PCDHB8: variants seen among roughly 807,000 people sequenced by gnomAD.
The protein encoded by PCDHB8 is protocadherin beta 8, also known as protocadherin beta-8.
For missense variants in PCDHB8, 836 were observed against 1,004.0 expected, an observed-to-expected ratio of 0.83 and a Z score of 2.26; for synonymous variants, 385 against 448.5, an observed-to-expected ratio of 0.86 and a Z score of 1.79.
Position 141,178,698 on chromosome 5 carries a change from C to T in PCDHB8, c.664C>T (p.Pro222Ser). The change falls in exon 1 of 1, where the codon CCC (proline) becomes TCC (serine). Residue 222 changes from proline (P) to serine (S), a missense_variant. Transcript: ENST00000239444. ...CACAGCACTGGATGGTGGCTCTCCGCCCAGATCTGGCACTGCTCAGGTCTA... is the reference window on the plus strand; with the variant it reads ...CACAGCACTGGATGGTGGCTCTCCGTCCAGATCTGGCACTGCTCAGGTCTA... ...TLTALDGGSP[P>S]RSGTAQVYIE... 1 of 1,603,390 alleles carries T rather than the reference C, an allele frequency of 6.2e-7. No individual in the cohort carries two copies. Among genetic ancestry groups the T allele is most frequent in the Non-Finnish European group, 8.5e-7 (1 of 1,172,100 alleles).
chr5:141,179,293 T>C lies in PCDHB8; in HGVS notation c.1259T>C (p.Val420Ala). 6.2e-7 allele frequency: 1 copy of C among 1,614,202 alleles called. No homozygotes were observed. The highest frequency in any genetic ancestry group is 1.3e-5 in the African/African-American group (1 of 75,022). ...AGAGAAAGCAGAGCCGAGTACAACG[T>C]CACTATCACCGTCACTGACTTAGGG... is the stretch of plus-strand genomic sequence containing the variant. ...LDRESRAEYNVTITVTDLGTP... is the reference protein window; with the variant it reads ...LDRESRAEYNATITVTDLGTP... Residue 420 changes from valine (V) to alanine (A), a missense_variant, in exon 1 of 1, where the codon GTC (valine) becomes GCC (alanine). Transcript: ENST00000239444.
In PCDHB8 at chr5:141,178,472, C is replaced by T. The variant is rs1753436965; in HGVS notation, c.438C>T (p.Ser146=). The T allele has an allele frequency of 6.2e-7, 1 of 1,613,990 alleles. No individual in the cohort carries two copies. Among genetic ancestry groups the T allele is most frequent in the African/African-American group, 1.3e-5 (1 of 74,876 alleles). ...DKQMLVKVSE[S]SPPGTAFPLK... ...AAATGTTGGTGAAAGTATCAGAGAG[C>T]AGTCCTCCTGGGACTGCGTTTCCTC... The change falls in exon 1 of 1, where the codon AGC becomes AGT. Residue 146 remains serine (S), a synonymous_variant. Transcript: ENST00000239444.
At position 141,179,447 on chromosome 5, in the gene PCDHB8, C is replaced by G. The variant is rs781818995; in HGVS notation, c.1413C>G (p.Ile471Met). The G allele has an allele frequency of 1.2e-5, 19 of 1,613,942 alleles. No individual in the cohort carries two copies. The East Asian group carries it at 4.0e-4, about 34-fold the overall frequency. Residue 471 changes from isoleucine (I) to methionine (M), a missense_variant, in exon 1 of 1, where the codon ATC becomes ATG. Coordinates refer to ENST00000239444, the MANE Select transcript of PCDHB8 (RefSeq NM_019120.5). ...VRENNSPALHIGSVSATDRDS... is the reference protein window; with the variant it reads ...VRENNSPALHMGSVSATDRDS... ...AGAACAACAGCCCCGCCCTGCACAT[C>G]GGCAGCGTCAGCGCCACAGACAGAG... is the stretch of plus-strand genomic sequence containing the variant.
rs1554281698 is a variant in PCDHB8 at position 141,180,322 on chromosome 5, A to G, written c.2288A>G (p.Asn763Ser). Residue 763 changes from asparagine to serine, a missense_variant, in exon 1 of 1, where the codon AAT becomes AGT. By Grantham distance (46) the Asn-to-Ser change is conservative. Coordinates refer to ENST00000239444, the MANE Select transcript of PCDHB8 (RefSeq NM_019120.5). ...TGCCTGGCAGGAGGCTCAGGGACGA[A>G]TGAGTTCCAGCTCCTGAAACCAGTA... ...EVCLAGGSGTNEFQLLKPVLP... is the reference protein window; with the variant it reads ...EVCLAGGSGTSEFQLLKPVLP... The G allele has an allele frequency of 6.2e-7, 1 of 1,614,010 alleles. No individual in the cohort carries two copies. Among genetic ancestry groups the G allele is most frequent in the Admixed American group, 1.7e-5 (1 of 60,008 alleles).
Position 141,180,092 on chromosome 5 carries a change from T to G in PCDHB8, c.2058T>G (p.Ser686=), listed in dbSNP as rs782585940. ...CCCCAGCCCAGGGCCAGGCCGACTC[T>G]CTCACCGTCTACCTGGTGGTGGCGT... ...EAAPAQGQAD[S]LTVYLVVALA... Residue 686 remains serine, a synonymous_variant, in exon 1 of 1, where the codon TCT becomes TCG. Transcript: ENST00000239444. 3.5e-5 allele frequency: 56 copies of G among 1,610,130 alleles called. No homozygotes were observed. Among genetic ancestry groups the G allele is most frequent in the Non-Finnish European group, 4.3e-5 (51 of 1,179,774 alleles).
Position 141,180,077 on chromosome 5 carries a change from G to A in PCDHB8, c.2043G>A (p.Gln681=). The A allele has an allele frequency of 3.1e-6, 5 of 1,610,038 alleles. No individual in the cohort carries two copies. The highest frequency in any genetic ancestry group is 3.4e-6 in the Non-Finnish European group (4 of 1,179,850). ...YLPLPEAAPA[Q]GQADSLTVYL... is the part of the protein sequence containing the mutation. ...CGCTTCCGGAGGCTGCCCCAGCCCA[G>A]GGCCAGGCCGACTCTCTCACCGTCT... The change falls in exon 1 of 1, where the codon CAG becomes CAA. Residue 681 remains glutamine, a synonymous_variant. Coordinates refer to ENST00000239444, the MANE Select transcript of PCDHB8 (RefSeq NM_019120.5).
Position 141,178,044 on chromosome 5 carries a change from A to T in PCDHB8, c.10A>T (p.Ser4Cys). 6.2e-7 allele frequency: 1 copy of T among 1,613,670 alleles called. No individual in the cohort carries two copies. Among genetic ancestry groups the T allele is most frequent in the Non-Finnish European group, 8.5e-7 (1 of 1,179,954 alleles). ...GAATTCAGCAAGAACAATGGAGGCC[A>T]GCGGGAAGCTCATTTGCAGACAAAG... MEA[S>C]GKLICRQRQV... The change falls in exon 1 of 1, where the codon AGC becomes TGC. Residue 4 changes from serine to cysteine, a missense_variant. Transcript: ENST00000239444.
chr5:141,179,335 C>T lies in PCDHB8; in HGVS notation c.1301C>T (p.Thr434Ile). The T allele has an allele frequency of 2.5e-6, 4 of 1,614,258 alleles. No homozygotes were observed. Among genetic ancestry groups the T allele is most frequent in the Non-Finnish European group, 3.4e-6 (4 of 1,180,050 alleles). The change falls in exon 1 of 1, where the codon ACA (threonine) becomes ATA (isoleucine). Residue 434 changes from threonine (T) to isoleucine (I), a missense_variant. Physicochemically the swap from Thr to Ile is moderately conservative, Grantham distance 89. Transcript: ENST00000239444. ...GACTTAGGGACACCCAGGCTGACAA[C>T]ACATCTCAATATGACCGTGCTGGTG... ...VTDLGTPRLT[T>I]HLNMTVLVSD...
Position 141,179,301 on chromosome 5 carries a change from AC to A in PCDHB8, c.1269del (p.Val424SerfsTer4). The A allele has an allele frequency of 6.2e-7, 1 of 1,614,222 alleles. No homozygotes were observed. The highest frequency in any genetic ancestry group is 8.5e-7 in the Non-Finnish European group (1 of 1,180,052). ...ESRAEYNVTI[T>X]VTDLGTPRLT... ...CAGAGCCGAGTACAACGTCACTATCACCGTCACTGACTTAGGGACACCCAGG... is the reference window on the plus strand; with the variant it reads ...CAGAGCCGAGTACAACGTCACTATCACGTCACTGACTTAGGGACACCCAGG... On this transcript the variant is annotated frameshift_variant, in exon 1 of 1. Transcript: ENST00000239444. LOFTEE classifies it low-confidence loss of function (END_TRUNC).
Position 141,179,601 on chromosome 5 carries a change from G to C in PCDHB8, c.1567G>C (p.Glu523Gln), listed in dbSNP as rs782070995. The change falls in exon 1 of 1, where the codon GAG (glutamate) becomes CAG (glutamine). Residue 523 changes from glutamate to glutamine, a missense_variant. Glu to Gln is a conservative substitution (Grantham distance 29). Transcript: ENST00000239444. ...HLFALRSLDY[E>Q]ALQAFEFRVG... Reference sequence around the variant, plus strand: ...GTTCGCCCTCAGGTCGCTGGACTACGAGGCCCTGCAGGCGTTCGAGTTCCG... The same window carrying C: ...GTTCGCCCTCAGGTCGCTGGACTACCAGGCCCTGCAGGCGTTCGAGTTCCG... The C allele has an allele frequency of 1.1e-5, 18 of 1,613,456 alleles. No individual in the cohort carries two copies. The African/African-American group carries it at 1.9e-4, about 17-fold the overall frequency.
rs1554281083 is a variant in PCDHB8, at chr5:141,179,031, A to G, written c.997A>G (p.Thr333Ala). 1 of 1,614,226 alleles carries G rather than the reference A, an allele frequency of 6.2e-7. No individual in the cohort carries two copies. The highest frequency in any genetic ancestry group is 1.1e-5 in the South Asian group (1 of 91,086). ...RDAGGFSGKC[T>A]VLIQVIDVND... ...TGCTGGAGGCTTTTCTGGAAAATGC[A>G]CCGTTCTGATTCAAGTGATAGATGT... is the stretch of plus-strand genomic sequence containing the variant. The change falls in exon 1 of 1, where the codon ACC becomes GCC. Residue 333 changes from threonine (T) to alanine (A), a missense_variant. By Grantham distance (58) the Thr-to-Ala change is moderately conservative. Coordinates refer to ENST00000239444, the MANE Select transcript of PCDHB8 (RefSeq NM_019120.5).
chr5:141,180,235 C>T lies in PCDHB8; in HGVS notation c.2201C>T (p.Pro734Leu), dbSNP rs1554281646. 10 of 1,613,468 alleles carry T rather than the reference C, an allele frequency of 6.2e-6. No individual in the cohort carries two copies. Among genetic ancestry groups the T allele is most frequent in the Non-Finnish European group, 8.5e-6 (10 of 1,179,950 alleles). ...GRCSVPEGPF[P>L]GHLVDVRGTG... Reference sequence around the variant, plus strand: ...TGCTCAGTGCCTGAGGGCCCCTTTCCAGGGCATCTGGTGGACGTGAGGGGC... The same window carrying T: ...TGCTCAGTGCCTGAGGGCCCCTTTCTAGGGCATCTGGTGGACGTGAGGGGC... The change falls in exon 1 of 1, where the codon CCA (proline) becomes CTA (leucine). Residue 734 changes from proline to leucine, a missense_variant. By Grantham distance (98) the Pro-to-Leu change is moderately conservative. Transcript: ENST00000239444.
chr5:141,178,919 C>T lies in PCDHB8; in HGVS notation c.885C>T (p.Val295=). The T allele has an allele frequency of 6.2e-7, 1 of 1,614,182 alleles. No homozygotes were observed. The highest frequency in any genetic ancestry group is 8.5e-7 in the Non-Finnish European group (1 of 1,180,036). The change falls in exon 1 of 1, where the codon GTC becomes GTT. Residue 295 remains valine, a synonymous_variant. Coordinates refer to ENST00000239444, the MANE Select transcript of PCDHB8 (RefSeq NM_019120.5). ...ATGAGATAAGCAAAACTTTTAAGGT[C>T]GATTTCTTGACAGGAGAAATTCGAC... ...ASDEISKTFK[V]DFLTGEIRLK...
At position 141,180,133 on chromosome 5, in the gene PCDHB8, C is replaced by T. The variant is rs1554281599; in HGVS notation, c.2099C>T (p.Ser700Leu). Residue 700 changes from serine (S) to leucine (L), a missense_variant, in exon 1 of 1, where the codon TCG (serine) becomes TTG (leucine). By Grantham distance (145) the Ser-to-Leu change is moderately radical. Coordinates refer to ENST00000239444, the MANE Select transcript of PCDHB8 (RefSeq NM_019120.5). Reference sequence around the variant, plus strand: ...GTGGTGGCGTTGGCCTCGGTGTCTTCGCTCTTCCTCTTCTCGGTGCTCCTG... The same window carrying T: ...GTGGTGGCGTTGGCCTCGGTGTCTTTGCTCTTCCTCTTCTCGGTGCTCCTG... ...YLVVALASVS[S>L]LFLFSVLLFV... is the part of the protein sequence containing the mutation. The T allele has an allele frequency of 6.2e-7, 1 of 1,611,240 alleles. No individual in the cohort carries two copies.
Position 141,179,685 on chromosome 5 carries a change from C to T in PCDHB8, c.1651C>T (p.Leu551=), listed in dbSNP as rs782370861. ...GAGCAGCGAGGCGCTGGTGCGCGTG[C>T]TGGTGCTGGACGCCAACGACAACTC... ...ALSSEALVRV[L]VLDANDNSPF... Residue 551 remains leucine (L), a synonymous_variant, in exon 1 of 1, where the codon CTG becomes TTG. Coordinates refer to ENST00000239444, the MANE Select transcript of PCDHB8 (RefSeq NM_019120.5). The T allele has an allele frequency of 3.1e-6, 5 of 1,612,238 alleles. No homozygotes were observed. The East Asian group carries it at 1.1e-4, about 36-fold the overall frequency.
In PCDHB8 at chr5:141,180,290, C is replaced by T. The variant is rs534687157; in HGVS notation, c.2256C>T (p.Tyr752=). ...GGAGCCTGTCTCAGAACTATCAGTA[C>T]GAGGTGTGCCTGGCAGGAGGCTCAG... ...GTGSLSQNYQ[Y]EVCLAGGSGT... is the part of the protein sequence containing the mutation. Residue 752 remains tyrosine (Y), a synonymous_variant, in exon 1 of 1, where the codon TAC becomes TAT. Coordinates refer to ENST00000239444, the MANE Select transcript of PCDHB8 (RefSeq NM_019120.5). 2.5e-5 allele frequency: 40 copies of T among 1,613,978 alleles called. No individual in the cohort carries two copies. The Admixed American group carries it at 3.0e-4, about 12-fold the overall frequency.
At position 141,180,251 on chromosome 5, in the gene PCDHB8, C is replaced by T. The variant is rs377271699; in HGVS notation, c.2217C>T (p.Asp739=). Reference sequence around the variant, plus strand: ...GCCCCTTTCCAGGGCATCTGGTGGACGTGAGGGGCACCGGGAGCCTGTCTC... The same window carrying T: ...GCCCCTTTCCAGGGCATCTGGTGGATGTGAGGGGCACCGGGAGCCTGTCTC... ...PEGPFPGHLV[D]VRGTGSLSQN... The change falls in exon 1 of 1, where the codon GAC becomes GAT. Residue 739 remains aspartate (D), a synonymous_variant. Coordinates refer to ENST00000239444, the MANE Select transcript of PCDHB8 (RefSeq NM_019120.5). The T allele has an allele frequency of 3.1e-6, 5 of 1,613,656 alleles. No homozygotes were observed. The highest frequency in any genetic ancestry group is 4.2e-6 in the Non-Finnish European group (5 of 1,179,946).
Position 141,179,943 on chromosome 5 carries a change from G to T in PCDHB8, c.1909G>T (p.Ala637Ser). ...CAGGCTGCTGAGCGAGCGCGACGCG[G>T]CCAAGCAGAGGCTGGTGGTGCTGGT... is the stretch of plus-strand genomic sequence containing the variant. Reference protein sequence around the residue: ...TARLLSERDAAKQRLVVLVKD... With the variant: ...TARLLSERDASKQRLVVLVKD... Residue 637 changes from alanine (A) to serine (S), a missense_variant, in exon 1 of 1, where the codon GCC (alanine) becomes TCC (serine). Physicochemically the swap from Ala to Ser is moderately conservative, Grantham distance 99. Transcript: ENST00000239444. 6.2e-7 allele frequency: 1 copy of T among 1,608,692 alleles called. No individual in the cohort carries two copies. Among genetic ancestry groups the T allele is most frequent in the Non-Finnish European group, 8.5e-7 (1 of 1,179,570 alleles).
rs1554281486 is a variant in PCDHB8, at chr5:141,180,005, C to T, written c.1971C>T (p.Ala657=). ...DNGEPPCSAT[A]TLHVLLVDGF... is the part of the protein sequence containing the mutation. ...GCGAGCCTCCGTGCTCGGCCACCGC[C>T]ACGCTGCACGTGCTCCTGGTGGACG... Residue 657 remains alanine, a synonymous_variant, in exon 1 of 1, where the codon GCC becomes GCT. Transcript: ENST00000239444. The T allele has an allele frequency of 1.9e-6, 3 of 1,608,968 alleles. No individual in the cohort carries two copies. Among genetic ancestry groups the T allele is most frequent in the Non-Finnish European group, 2.5e-6 (3 of 1,179,754 alleles).
Sources: allele counts gnomAD v4.1 joint callset, GRCh38; gene constraint gnomAD v4.1.1; transcripts MANE v1.5; gene names NCBI Gene and HGNC (gene_info 2026-07-23, HGNC 2026-07-21).